The following PCNX2 variants were observed in gnomAD, a reference collection of about 807,000 sequenced individuals.
PCNX2 encodes the protein pecanex-like protein 2.
Under a neutral mutation model 223.8 loss-of-function variants are expected in PCNX2, and 168 were observed. The ratio of observed to expected loss-of-function variants is 0.75; its 90% CI spans 0.66 to 0.85. PCNX2 has a LOEUF of 0.85. Among genes scored for constraint, PCNX2 ranks in the 40% least tolerant of loss-of-function variants. The probability of loss-of-function intolerance (pLI) is 0.00; values close to 1 mark genes in which losing one functional copy is unlikely to be tolerated. For synonymous variants in PCNX2, 1,006 were observed against 1,052.6 expected (o/e 0.96, Z 0.86); for missense variants, 2,507 against 2,675.5 (o/e 0.94, Z 1.39).
At chr1:233,316,864 A>G in the PCNX2 span, among the ~76,000 whole-genome samples, 6 of 152,280 alleles carry the variant, frequency 3.9e-5, no homozygotes, top group South Asian at 1.0e-3. Flanking sequence ...CTAACATACT[A>G]CATAATTTAC....
intron 20 of PCNX2, among the ~76,000 whole-genome samples, chr1:233,136,447 G>GT (rs1390282833): frequency 6.6e-6 from 1 of 152,158 alleles, no homozygotes; most frequent in African/African-American, 2.4e-5. Flanking sequence ...TCAATCTGCT[G>GT]TTTTTTGTGC....
intron 23 of PCNX2, among the ~76,000 whole-genome samples, chr1:233,079,431 G>A (rs902003588): frequency 1.3e-4 from 19 of 151,450 alleles, no homozygotes; most frequent in African/African-American, 4.1e-4. Flanking sequence ...AGGCTGAGGC[G>A]GGAGAATCAC....
intron 15 of PCNX2, among the ~76,000 whole-genome samples, chr1:233,185,313 T>C (rs539019490): frequency 3.9e-5 from 6 of 152,162 alleles, no homozygotes; most frequent in African/African-American, 9.6e-5. Flanking sequence ...TCTCAAGTTA[T>C]TGATCAAGCA....
chr1:233,155,389 G>GAACT (rs1558289800), intron 19 of PCNX2, among the ~76,000 whole-genome samples: 1 of 152,176 alleles, frequency 6.6e-6, no homozygotes, highest in African/African-American at 2.4e-5. Flanking sequence ...TGGATGACAG[G>GAACT]AACTACATCT....
chr1:233,056,822 T>C (rs529506691), intron 24 of PCNX2, among the ~76,000 whole-genome samples: 22 of 152,356 alleles, frequency 1.4e-4, no homozygotes, highest in Non-Finnish European at 2.9e-4. Context: ...TAGCTTAATG[T>C]TGACCAAAGT....
intron 23 of PCNX2, among the ~76,000 whole-genome samples, chr1:233,085,785 TC>T (rs1673571519): frequency 6.6e-6 from 1 of 152,136 alleles, no homozygotes; most frequent in South Asian, 2.1e-4. Flanking sequence ...ACAGAGAGGT[TC>T]TGAGGCTACA....
intron 23 of PCNX2, among the ~76,000 whole-genome samples, chr1:233,080,401 AACACACAC>A (rs10611197): frequency 0.017 from 2,337 of 140,586 alleles, 56 homozygotes; most frequent in African/African-American, 0.055. Flanking sequence ...CACACACACA[AACACACAC>A]ACACACACAC....
chr1:233,058,703 G>C (rs953738066), intron 23 of PCNX2, among the ~76,000 whole-genome samples: 1 of 122,522 alleles, frequency 8.2e-6, no homozygotes, highest in Non-Finnish European at 1.6e-5. Flanking sequence ...GTCTCGCTCT[G>C]TCACCAGGAT....
intron 12 of PCNX2, among the ~76,000 whole-genome samples, chr1:233,213,581 A>T (rs1378954278): frequency 6.6e-6 from 1 of 152,164 alleles, no homozygotes; most frequent in Non-Finnish European, 1.5e-5. Context: ...TACTTACAAA[A>T]AATAATCTCC....
the PCNX2 span, among the ~76,000 whole-genome samples, chr1:233,321,013 CTTTTT>C: frequency 2.8e-5 from 2 of 70,364 alleles, no homozygotes; most frequent in South Asian, 6.6e-4. Context: ...AAAATGTCTT[CTTTTT>C]TTTTTTTTTT....
rs1285811211 is a variant in PCNX2 at position 233,253,016 on chromosome 1, C to A, written c.1835-228G>T. ...TTGAGACATGTTATTTAGGTGTCTA[C>A]AAACACCTACTATTTTATATACAGG... On this transcript the variant is annotated intron_variant, in intron 5 of 33. Transcript: ENST00000258229. This position sits in a 1 kb window ranked among gnomAD's most constrained non-coding sequence, Gnocchi z 4.2. 6.6e-6 allele frequency among the ~76,000 whole-genome samples: 1 copy of A among 152,106 alleles called. No homozygotes were observed.
rs779076448 is a variant in PCNX2 at position 232,999,318 on chromosome 1, C to T, written c.5390G>A (p.Arg1797His). Residue 1797 changes from arginine (R) to histidine (H), a missense_variant, in exon 31 of 34, where the codon CGC becomes CAC. Physicochemically the swap from Arg to His is conservative, Grantham distance 29. Around this residue, in one of 3 missense-constraint regions of PCNX2, gnomAD observed 1,372 missense variants for 1,509.4 expected, o/e 0.91. Coordinates refer to ENST00000258229, the MANE Select transcript of PCNX2 (RefSeq NM_014801.4). Reference protein sequence around the residue: ...AGQQQELIFLRNRNPERGSIQ... With the variant: ...AGQQQELIFLHNRNPERGSIQ... ...ACTGCCGCGCTCCGGATTGCGGTTGCGAAGAAATATAAGCTCCTGCTGCTG... is the reference window on the plus strand; with the variant it reads ...ACTGCCGCGCTCCGGATTGCGGTTGTGAAGAAATATAAGCTCCTGCTGCTG... 35 of 1,605,622 alleles carry T rather than the reference C, an allele frequency of 2.2e-5. No individual in the cohort carries two copies. The highest frequency in any genetic ancestry group is 1.7e-4 in the Middle Eastern group (1 of 6,002).
intron 12 of PCNX2, among the ~76,000 whole-genome samples, chr1:233,214,760 A>C (rs935351191): frequency 3.3e-5 from 5 of 152,112 alleles, no homozygotes; most frequent in Non-Finnish European, 5.9e-5. Context: ...TAATCTTTCT[A>C]AGCTCTCCCA....
chr1:233,004,376 G>A (rs1210115514), intron 28 of PCNX2, among the ~76,000 whole-genome samples: 4 of 152,124 alleles, frequency 2.6e-5, no homozygotes, highest in Non-Finnish European at 4.4e-5. Context: ...AGAGCCTGGG[G>A]CCTTTAAATT....
chr1:232,985,723 C>T, intron 33 of PCNX2: 1 of 514,126 alleles, frequency 1.9e-6, no homozygotes, highest in Non-Finnish European at 3.4e-6. Flanking sequence ...GGTGTCCTTT[C>T]CTCTCCCTCA....
chr1:233,301,390 T>C, the PCNX2 span, among the ~76,000 whole-genome samples: 1 of 152,280 alleles, frequency 6.6e-6, no homozygotes, highest in Admixed American at 6.5e-5. Flanking sequence ...ATGCAAATGC[T>C]TTCTGAAAAT....
At chr1:233,056,357 T>A (rs375233364) in intron 24 of PCNX2, among the ~76,000 whole-genome samples, 1 of 152,230 alleles carries the variant, frequency 6.6e-6, no homozygotes, top group Non-Finnish European at 1.5e-5. Flanking sequence ...TTAGAACACA[T>A]TGACCACACA....
intron 21 of PCNX2, among the ~76,000 whole-genome samples, chr1:233,133,964 A>G (rs535402105): frequency 6.6e-6 from 1 of 152,262 alleles, no homozygotes; most frequent in African/African-American, 2.4e-5. Context: ...AGAGTTTTTT[A>G]TTTTTGTTAC....
At chr1:233,325,579 GGCAGGAGAATGCC>G in the PCNX2 span, among the ~76,000 whole-genome samples, 90 of 152,140 alleles carry the variant, frequency 5.9e-4, no homozygotes, top group African/African-American at 2.0e-3. Context: ...GGGAGGCTGA[GGCAGGAGAATGCC>G]GCGAACCCAG....
Sources: gnomAD v4.1 joint callset for allele counts (sites outside exome capture counted in the v4.1 genomes callset) on GRCh38, gnomAD v4.1.1 for gene constraint, gnomAD v4.1.1 regional missense constraint, Gnocchi (gnomAD v3.1) non-coding constraint, MANE v1.5 for transcripts, NCBI Gene and HGNC (gene_info 2026-07-23, HGNC 2026-07-21) for gene names.